The following TANC1 variants were observed in gnomAD, a reference collection of about 807,000 sequenced individuals.
TANC1 encodes the protein protein TANC1.
Under a neutral mutation model 149.7 loss-of-function variants are expected in TANC1, and 77 were observed. The observed-to-expected ratio is 0.51, with a 90% CI of 0.43 to 0.62. The LOEUF (loss-of-function observed/expected upper bound fraction) is 0.62. Among genes scored for constraint, TANC1 ranks in the 20% least tolerant of loss-of-function variants. The pLI, the probability that TANC1 is intolerant of heterozygous loss-of-function variation, is 0.00. For synonymous variants in TANC1, 854 were observed against 925.0 expected (o/e 0.92, Z 1.39); for missense variants, 1,985 against 2,321.8 (o/e 0.85, Z 2.98).
chr2:159,010,685 A>G (rs563670081), intron 2 of TANC1, among the ~76,000 whole-genome samples: 3 of 151,758 alleles, frequency 2.0e-5, no homozygotes, highest in African/African-American at 7.3e-5. Flanking sequence ...ACAGGAGACT[A>G]CATTCAGAAC....
At chr2:159,048,463 A>G (rs1420041016) in intron 2 of TANC1, among the ~76,000 whole-genome samples, 1 of 152,064 alleles carries the variant, frequency 6.6e-6, no homozygotes, top group Non-Finnish European at 1.5e-5. Context: ...GGTTTTTATG[A>G]GGAGGAAATG....
intron 3 of TANC1, among the ~76,000 whole-genome samples, chr2:159,087,465 CCG>C (rs1297752186): frequency 1.7e-3 from 66 of 38,324 alleles, no homozygotes; most frequent in African/African-American, 3.7e-3. Flanking sequence ...TTTTGTTTTT[CCG>C]TTTTTTTTTT....
At chr2:159,039,147 T>C (rs2040428356) in intron 2 of TANC1, among the ~76,000 whole-genome samples, 2 of 152,212 alleles carry the variant, frequency 1.3e-5, no homozygotes, top group Non-Finnish European at 2.9e-5. Context: ...TAGAGGTGTT[T>C]ATAGTATTCT....
chr2:158,981,528 T>G lies in TANC1; in HGVS notation c.-126+12746T>G, dbSNP rs187008791. ...ATATATATATATATATATATATATA[T>G]ATATATATATATATAAAGAAGTAAC... On this transcript the variant is annotated intron_variant, in intron 1 of 26. Transcript: ENST00000263635. Among the ~76,000 whole-genome samples, 4 of 114,542 alleles carry G rather than the reference T, an allele frequency of 3.5e-5. 1 individual carries two copies. Among genetic ancestry groups the G allele is most frequent in the African/African-American group, 1.3e-4 (4 of 30,430 alleles). 75.1% of individuals were successfully genotyped at this position (114,542 alleles called of 152,430 possible). A position where few individuals can be genotyped will look rare whatever the true frequency, so the allele number is the denominator to read the frequency against.
chr2:159,020,457 TC>T (rs2038734596), intron 2 of TANC1, among the ~76,000 whole-genome samples: 3 of 152,182 alleles, frequency 2.0e-5, no homozygotes, highest in African/African-American at 4.8e-5. Context: ...ATTTTTTTTT[TC>T]CTTCAGAAAA....
In TANC1 at chr2:159,232,087, C is replaced by T. The variant is rs1337563590; in HGVS notation, c.*1075C>T. 1 of 152,612 alleles carries T rather than the reference C, an allele frequency of 6.6e-6. No homozygotes were observed. Among genetic ancestry groups the T allele is most frequent in the Non-Finnish European group, 1.5e-5 (1 of 68,028 alleles). The allele number at this position is 152,612 out of a possible 1,614,324, so 9.5% of individuals were successfully genotyped here. ...AGCTTCATCCATGCTGGTTATTGCA[C>T]TGAATGATATATTATTAGGGCATGT... On this transcript the variant is annotated 3_prime_UTR_variant, in exon 27 of 27. Coordinates refer to ENST00000263635, the MANE Select transcript of TANC1 (RefSeq NM_033394.3).
chr2:159,197,616 CACACACACACACAG>C (rs1248625592), intron 18 of TANC1, among the ~76,000 whole-genome samples: 8 of 142,568 alleles, frequency 5.6e-5, no homozygotes, highest in Non-Finnish European at 1.1e-4. Context: ...CACACACACA[CACACACACACACAG>C]AGAGATACTG....
intron 1 of TANC1, among the ~76,000 whole-genome samples, chr2:158,980,256 T>C (rs1342638993): frequency 6.6e-6 from 1 of 152,200 alleles, no homozygotes; most frequent in African/African-American, 2.4e-5. Flanking sequence ...GTAGTCAGTG[T>C]TTTCCAAACA....
chr2:159,111,726 T>A (rs1205173833), intron 4 of TANC1, among the ~76,000 whole-genome samples: 1 of 152,178 alleles, frequency 6.6e-6, no homozygotes. Context: ...CACAATGGAA[T>A]GCAAGTGAGG....
intron 3 of TANC1, among the ~76,000 whole-genome samples, chr2:159,086,743 C>A (rs1047040346): frequency 5.9e-5 from 9 of 152,096 alleles, no homozygotes; most frequent in African/African-American, 2.2e-4. Context: ...GGGGAAAAAA[C>A]CGTTCATACT....
intron 4 of TANC1, among the ~76,000 whole-genome samples, chr2:159,111,986 C>G (rs761507708): frequency 4.6e-5 from 7 of 152,192 alleles, no homozygotes; most frequent in Non-Finnish European, 1.0e-4. Flanking sequence ...GTGAGACGTA[C>G]AAACTAGAAT....
intron 3 of TANC1, among the ~76,000 whole-genome samples, chr2:159,089,981 T>G (rs1388529167): frequency 6.6e-6 from 1 of 152,228 alleles, no homozygotes; most frequent in Non-Finnish European, 1.5e-5. Flanking sequence ...ATCTTAAAAT[T>G]GACACATGGC....
At chr2:159,027,934 T>C (rs977021317) in intron 2 of TANC1, among the ~76,000 whole-genome samples, 1 of 152,056 alleles carries the variant, frequency 6.6e-6, no homozygotes, top group African/African-American at 2.4e-5. Flanking sequence ...GGCAAGAGCG[T>C]GCATGTCAGT....
At chr2:159,013,781 C>G (rs1243498728) in intron 2 of TANC1, among the ~76,000 whole-genome samples, 2 of 152,156 alleles carry the variant, frequency 1.3e-5, no homozygotes, top group African/African-American at 4.8e-5. Flanking sequence ...TGGCTATAAC[C>G]AGGTACCAGA....
intron 3 of TANC1, among the ~76,000 whole-genome samples, chr2:159,083,716 T>A (rs961014037): frequency 6.6e-6 from 1 of 152,190 alleles, no homozygotes; most frequent in African/African-American, 2.4e-5. Flanking sequence ...ACTCAAAAAA[T>A]GAATGAAGTA....
At chr2:159,222,747 A>G (rs1206074945) in intron 22 of TANC1, among the ~76,000 whole-genome samples, 2 of 152,192 alleles carry the variant, frequency 1.3e-5, no homozygotes, top group Non-Finnish European at 2.9e-5. Flanking sequence ...TCTTTGGGGT[A>G]TATATCCAGA....
intron 22 of TANC1, 110 bp downstream of exon 22, chr2:159,219,977 AGTGTGTGTGTGTGTGTGTGTGT>A (rs760037919): frequency 2.0e-5 from 11 of 560,602 alleles, no homozygotes; most frequent in African/African-American, 6.2e-5. Context: ...GTCATCAGAG[AGTGTGTGTGTGTGTGTGTGTGT>A]GTGTGTGTGT....
At chr2:158,992,545 C>T (rs1262676791) in intron 1 of TANC1, among the ~76,000 whole-genome samples, 2 of 152,048 alleles carry the variant, frequency 1.3e-5, no homozygotes, top group Admixed American at 1.3e-4. Context: ...CCCTGTCGCC[C>T]AGGCTGGAGT....
intron 3 of TANC1, among the ~76,000 whole-genome samples, chr2:159,068,052 G>A (rs769733217): frequency 6.6e-6 from 1 of 152,134 alleles, no homozygotes; most frequent in Non-Finnish European, 1.5e-5. Context: ...CAATGGGAAC[G>A]TTTCCCATAA....
Sources: gnomAD v4.1 joint callset for allele counts (sites outside exome capture counted in the v4.1 genomes callset) on GRCh38, gnomAD v4.1.1 for gene constraint, MANE v1.5 for transcripts, NCBI Gene and HGNC (gene_info 2026-07-23, HGNC 2026-07-21) for gene names.